Variants in ADGRL3 observed in about 807,000 individuals in gnomAD.
The protein encoded by ADGRL3 is adhesion G protein-coupled receptor L3.
In ADGRL3, 62 loss-of-function variants were observed where a neutral mutation model predicts 153.5. That is an observed-to-expected ratio of 0.40 (90% CI 0.33 to 0.50). The LOEUF (loss-of-function observed/expected upper bound fraction) is 0.50. Ranked by LOEUF, ADGRL3 falls within the 20% of genes least tolerant of loss-of-function variation. ADGRL3 has a pLI of 0.47. For missense variants in ADGRL3, 1,641 were observed against 1,859.4 expected, an observed-to-expected ratio of 0.88 and a Z score of 2.16; for synonymous variants, 710 against 672.5, an observed-to-expected ratio of 1.06 and a Z score of -0.86.
intron 2 of ADGRL3, among the ~76,000 whole-genome samples, chr4:61,454,019 T>C (rs944367405): frequency 6.6e-5 from 10 of 152,108 alleles, no homozygotes; most frequent in Non-Finnish European, 1.2e-4. Context: ...TGTAATTGAA[T>C]TAGTTTGGGT....
At chr4:61,467,595 A>C (rs2097901296) in intron 2 of ADGRL3, among the ~76,000 whole-genome samples, 2 of 152,014 alleles carry the variant, frequency 1.3e-5, no homozygotes, top group African/African-American at 4.8e-5. Flanking sequence ...CATGAAAAGC[A>C]TTCTCATTTA....
chr4:61,528,790 G>A (rs2098593884), intron 4 of ADGRL3, among the ~76,000 whole-genome samples: 1 of 152,072 alleles, frequency 6.6e-6, no homozygotes, highest in Admixed American at 6.6e-5. Flanking sequence ...TTCACTTTCT[G>A]TCGCATCAGC....
intron 25 of ADGRL3, among the ~76,000 whole-genome samples, chr4:62,049,192 C>T (rs1732792484): frequency 6.6e-6 from 1 of 152,004 alleles, no homozygotes; most frequent in Non-Finnish European, 1.5e-5. Context: ...CAATATGGAT[C>T]TTTGAATCAC....
intron 4 of ADGRL3, among the ~76,000 whole-genome samples, chr4:61,525,891 G>C (rs995674839): frequency 1.3e-5 from 2 of 152,080 alleles, no homozygotes; most frequent in African/African-American, 4.8e-5. Flanking sequence ...ATGTGAAGCA[G>C]ATTCTAAAAA....
intron 9 of ADGRL3, among the ~76,000 whole-genome samples, chr4:61,867,946 G>T (rs2098413235): frequency 6.6e-6 from 1 of 151,940 alleles, no homozygotes; most frequent in African/African-American, 2.4e-5. Context: ...TTATAATGGG[G>T]TTTTCTTTCA....
chr4:61,998,364 A>G, intron 21 of ADGRL3, 99 bp downstream of exon 21: 1 of 556,688 alleles, frequency 1.8e-6, no homozygotes, highest in Non-Finnish European at 3.0e-6. Context: ...AAGGATAAAG[A>G]ATATGGGTGT....
At position 61,640,895 on chromosome 4, in the gene ADGRL3, T is replaced by C. The variant is rs530801850; in HGVS notation, c.474-35931T>C. Among the ~76,000 whole-genome samples the C allele has an allele frequency of 8.6e-4, 131 of 152,340 alleles. 2 individuals carry two copies. The highest frequency in any genetic ancestry group is 3.1e-3 in the African/African-American group (128 of 41,586). ...ACCAGAATTTGAGAGAACAAGGTTC[T>C]GCTTAATATTCTTCTAATACTCAGT... On this transcript the variant is annotated intron_variant, in intron 5 of 26. Coordinates refer to ENST00000683033, the MANE Select transcript of ADGRL3 (RefSeq NM_001387552.1).
intron 2 of ADGRL3, among the ~76,000 whole-genome samples, chr4:61,397,472 T>C (rs1367660870): frequency 6.6e-6 from 1 of 151,940 alleles, no homozygotes; most frequent in Non-Finnish European, 1.5e-5. Context: ...GTGGTCCTGC[T>C]TTTTCAGATT....
intron 2 of ADGRL3, among the ~76,000 whole-genome samples, chr4:61,406,754 G>A (rs2097003977): frequency 6.6e-6 from 1 of 151,904 alleles, no homozygotes; most frequent in South Asian, 2.1e-4. Flanking sequence ...GTTTGTACAA[G>A]AAAAATATTC....
At chr4:61,506,398 C>T (rs1158720202) in intron 3 of ADGRL3, among the ~76,000 whole-genome samples, 1 of 152,074 alleles carries the variant, frequency 6.6e-6, no homozygotes, top group Non-Finnish European at 1.5e-5. Context: ...ATTGTATATT[C>T]TTAATCCCCA....
At chr4:61,593,629 A>G (rs543945385) in intron 5 of ADGRL3, among the ~76,000 whole-genome samples, 1 of 152,114 alleles carries the variant, frequency 6.6e-6, no homozygotes, top group East Asian at 1.9e-4. Context: ...CTGGCCTGTA[A>G]AGTTCCCACT....
intron 17 of ADGRL3, among the ~76,000 whole-genome samples, chr4:61,957,765 T>C (rs1044509295): frequency 1.3e-5 from 2 of 152,056 alleles, no homozygotes; most frequent in Non-Finnish European, 2.9e-5. Flanking sequence ...TCTTAAATAT[T>C]TAAATTTATG....
chr4:61,653,231 G>A (rs2094331302), intron 5 of ADGRL3, among the ~76,000 whole-genome samples: 1 of 149,958 alleles, frequency 6.7e-6, no homozygotes, highest in Non-Finnish European at 1.5e-5. Flanking sequence ...AACATAGAAA[G>A]AATGCAACTG....
At chr4:61,758,795 C>T (rs2096871561) in intron 8 of ADGRL3, among the ~76,000 whole-genome samples, 1 of 152,118 alleles carries the variant, frequency 6.6e-6, no homozygotes, top group South Asian at 2.1e-4. Context: ...TACAATTTGG[C>T]ATGATTTTGC....
chr4:61,231,500 T>C (rs1218633746), intron 1 of ADGRL3, among the ~76,000 whole-genome samples: 1 of 152,052 alleles, frequency 6.6e-6, no homozygotes, highest in Non-Finnish European at 1.5e-5. Context: ...TTTCTTTCTT[T>C]GAGAACACTG....
At chr4:61,900,849 T>C (rs1477025327) in intron 11 of ADGRL3, among the ~76,000 whole-genome samples, 1 of 152,164 alleles carries the variant, frequency 6.6e-6, no homozygotes, top group Non-Finnish European at 1.5e-5. Context: ...GTTTCCAGTT[T>C]TTATTGAAAG....
chr4:62,031,796 T>C (rs184933505), intron 23 of ADGRL3, among the ~76,000 whole-genome samples, 186 bp downstream of exon 23: 2 of 151,658 alleles, frequency 1.3e-5, no homozygotes, highest in African/African-American at 2.4e-5. Flanking sequence ...GAGTGTCCAA[T>C]AGTAAAAAAC....
intron 9 of ADGRL3, among the ~76,000 whole-genome samples, chr4:61,835,457 A>G (rs2097921517): frequency 6.6e-6 from 1 of 151,860 alleles, no homozygotes; most frequent in Non-Finnish European, 1.5e-5. Context: ...GGCCTTTTAA[A>G]TATTCCTGTA....
intron 5 of ADGRL3, among the ~76,000 whole-genome samples, chr4:61,646,869 C>T (rs929022403): frequency 3.9e-5 from 6 of 152,218 alleles, no homozygotes; most frequent in Non-Finnish European, 5.9e-5. Context: ...GGCGCCCCTC[C>T]CCCAGCCTGG....
Sources: allele counts gnomAD v4.1 joint callset (sites outside exome capture counted in the v4.1 genomes callset), GRCh38; gene constraint gnomAD v4.1.1; transcripts MANE v1.5; gene names NCBI Gene and HGNC (gene_info 2026-07-23, HGNC 2026-07-21).